Variants in WNK1 observed in about 807,000 individuals in gnomAD.
The protein encoded by WNK1 is WNK lysine deficient protein kinase 1, also known as serine/threonine-protein kinase WNK1.
A neutral mutation model predicts 222.8 loss-of-function variants in WNK1; 38 were observed. The ratio of observed to expected loss-of-function variants is 0.17; its 90% CI spans 0.13 to 0.22. The LOEUF is 0.22. Ranked by LOEUF, WNK1 falls within the 10% of genes least tolerant of loss-of-function variation. The pLI is 1.00. For missense variants in WNK1, 2,348 were observed against 2,918.4 expected, an observed-to-expected ratio of 0.80 and a Z score of 4.50; for synonymous variants, 1,090 against 1,092.9, an observed-to-expected ratio of 1.00 and a Z score of 0.05.
intron 2 of WNK1, among the ~76,000 whole-genome samples, chr12:818,975 C>G (rs950104125): frequency 3.9e-5 from 6 of 152,042 alleles, no homozygotes; most frequent in Admixed American, 2.0e-4. Context: ...TTTCTTTTGG[C>G]TGTATACTAG....
intron 25 of WNK1, 34 bp from the exon 26 acceptor site, chr12:900,442 A>G: frequency 7.4e-6 from 12 of 1,611,588 alleles, no homozygotes; most frequent in Non-Finnish European, 1.0e-5. Flanking sequence ...GAAGAGCTGG[A>G]CATGTTTCCT....
chr12:769,378 T>C (rs1388750379), intron 1 of WNK1, among the ~76,000 whole-genome samples: 1 of 151,718 alleles, frequency 6.6e-6, no homozygotes, highest in Non-Finnish European at 1.5e-5. Flanking sequence ...TTTGTATTTT[T>C]AGTAGAGACA....
intron 8 of WNK1, among the ~76,000 whole-genome samples, chr12:869,955 G>A (rs1365321844): frequency 3.3e-5 from 5 of 152,072 alleles, no homozygotes; most frequent in Non-Finnish European, 5.9e-5. Flanking sequence ...TAAAGACAAT[G>A]TAATGAATGT....
intron 4 of WNK1, chr12:851,707 GAA>G: frequency 7.5e-7 from 1 of 1,338,234 alleles, no homozygotes; most frequent in Non-Finnish European, 9.9e-7. Context: ...ATATTAAAAA[GAA>G]AGATTTTTGC....
intron 2 of WNK1, among the ~76,000 whole-genome samples, chr12:816,735 T>C (rs1947375733): frequency 6.6e-6 from 1 of 152,236 alleles, no homozygotes; most frequent in African/African-American, 2.4e-5. Flanking sequence ...TCACAGTTCC[T>C]TGGTCAGTGT....
intron 12 of WNK1, 23 bp downstream of exon 12, chr12:881,022 T>C (rs1953107674): frequency 6.2e-7 from 1 of 1,613,912 alleles, no homozygotes; most frequent in Non-Finnish European, 8.5e-7. Flanking sequence ...ACTGCATGTT[T>C]ATATGTAAAA....
At chr12:777,647 T>C (rs1015362471) in intron 1 of WNK1, among the ~76,000 whole-genome samples, 1 of 152,222 alleles carries the variant, frequency 6.6e-6, no homozygotes. Context: ...TATTATGAAC[T>C]GGGAAGCATT....
At chr12:759,314 T>A (rs1940670733) in intron 1 of WNK1, among the ~76,000 whole-genome samples, 1 of 146,926 alleles carries the variant, frequency 6.8e-6, no homozygotes, top group African/African-American at 2.4e-5. Context: ...TTTAGTAACT[T>A]GCATTTTGTT....
chr12:872,841 G>A (rs1178181591), intron 9 of WNK1, among the ~76,000 whole-genome samples: 1 of 152,160 alleles, frequency 6.6e-6, no homozygotes, highest in Non-Finnish European at 1.5e-5. Context: ...ACTGGTTTAA[G>A]ATCAGGAGTT....
intron 2 of WNK1, among the ~76,000 whole-genome samples, chr12:818,981 A>G (rs896251048): frequency 6.6e-6 from 1 of 152,174 alleles, no homozygotes; most frequent in South Asian, 2.1e-4. Context: ...TTGGCTGTAT[A>G]CTAGGAATGG....
chr12:841,382 G>C (rs1354569291), intron 4 of WNK1, among the ~76,000 whole-genome samples: 1 of 152,146 alleles, frequency 6.6e-6, no homozygotes, highest in South Asian at 2.1e-4. Flanking sequence ...TTTGTGTCTG[G>C]CTTCTTTCAC....
chr12:769,132 C>CA lies in WNK1; in HGVS notation c.759+14814dup, dbSNP rs557839791. Among the ~76,000 whole-genome samples, 403 of 151,886 alleles carry CA rather than the reference C, an allele frequency of 2.7e-3. 4 individuals are homozygous for CA. The highest frequency in any genetic ancestry group is 9.4e-3 in the African/African-American group (389 of 41,480). On this transcript the variant is annotated intron_variant, in intron 1 of 27. Transcript: ENST00000315939. ...CTGGATGTAGTATTTAAAGAAAAAA[C>CA]AAAAAACTCTTTACTGTGAAATACT...
chr12:861,115 G>A lies in WNK1; in HGVS notation c.1723G>A (p.Val575Ile). Residue 575 changes from valine (V) to isoleucine (I), a missense_variant, in exon 7 of 28, where the codon GTA (valine) becomes ATA (isoleucine). Val to Ile is a conservative substitution (Grantham distance 29). Transcript: ENST00000315939. ...GAGGAAACGAGAGCAGCGGCAGTTG[G>A]TACGGGAGGAGCAAGAAAAAAAAAA... is the stretch of plus-strand genomic sequence containing the variant. ...IKRKREQRQL[V>I]REEQEKKKQE... 6.2e-7 allele frequency: 1 copy of A among 1,613,840 alleles called. No individual in the cohort carries two copies.
chr12:894,414 C>T (rs1954561066), intron 22 of WNK1, 148 bp from the exon 23 acceptor site: 1 of 706,726 alleles, frequency 1.4e-6, no homozygotes. Flanking sequence ...TGGACAGAGC[C>T]TCATGGAGGG....
intron 9 of WNK1, among the ~76,000 whole-genome samples, chr12:874,128 C>G (rs1402102054): frequency 6.6e-6 from 1 of 151,886 alleles, no homozygotes; most frequent in East Asian, 1.9e-4. Context: ...CATACTCCAG[C>G]CTGGGCAACA....
Position 761,659 on chromosome 12 carries a change from C to T in WNK1, c.759+7335C>T, listed in dbSNP as rs539174095. ...ATCAAATGATTAATGTGCACATTCTCTGTTACTAGATAGAGATTAACAGAT... is the reference window on the plus strand; with the variant it reads ...ATCAAATGATTAATGTGCACATTCTTTGTTACTAGATAGAGATTAACAGAT... On this transcript the variant is annotated intron_variant, in intron 1 of 27. Transcript: ENST00000315939. Among the ~76,000 whole-genome samples, 191 of 147,940 alleles carry T rather than the reference C, an allele frequency of 1.3e-3. 2 individuals carry two copies. Among genetic ancestry groups the T allele is most frequent in the African/African-American group, 4.6e-3 (189 of 41,240 alleles).
intron 1 of WNK1, among the ~76,000 whole-genome samples, chr12:785,055 T>C (rs1411101925): frequency 6.6e-6 from 1 of 152,212 alleles, no homozygotes; most frequent in Non-Finnish European, 1.5e-5. Context: ...TTCAGAATTT[T>C]AAAGACATTT....
chr12:894,757 T>C (rs534265524), intron 23 of WNK1, 122 bp downstream of exon 23: 88 of 824,420 alleles, frequency 1.1e-4, no homozygotes, highest in Admixed American at 3.7e-4. Flanking sequence ...CACATAGTAC[T>C]TTATAGCTCT....
chr12:876,849 G>T (rs943250165), intron 9 of WNK1, among the ~76,000 whole-genome samples: 1 of 151,996 alleles, frequency 6.6e-6, no homozygotes, highest in Non-Finnish European at 1.5e-5. Flanking sequence ...TGTGAAAATG[G>T]CCACTTACGC....
Sources: gnomAD v4.1 joint callset for allele counts (sites outside exome capture counted in the v4.1 genomes callset) on GRCh38, gnomAD v4.1.1 for gene constraint, MANE v1.5 for transcripts, NCBI Gene and HGNC (gene_info 2026-07-23, HGNC 2026-07-21) for gene names.